The following TTC28 variants were observed in gnomAD, a reference collection of about 807,000 sequenced individuals.
TTC28 encodes tetratricopeptide repeat domain 28, also known as tetratricopeptide repeat protein 28.
TTC28 carries 61 observed loss-of-function variants against 198.0 expected under a neutral mutation model. The observed-to-expected ratio is 0.31, with a 90% CI of 0.25 to 0.38. The LOEUF is 0.38. Among genes scored for constraint, TTC28 ranks in the 10% least tolerant of loss-of-function variants. TTC28 has a pLI of 1.00. For missense variants in TTC28, 2,678 were observed against 3,164.0 expected (o/e 0.85, Z 3.69); for synonymous variants, 1,171 against 1,297.8 (o/e 0.90, Z 2.10).
chr22:28,364,862 A>G lies in TTC28; in HGVS notation c.382-58219T>C, dbSNP rs554061438. Among the ~76,000 whole-genome samples, 7 of 152,358 alleles carry G rather than the reference A, an allele frequency of 4.6e-5. No homozygotes were observed. In the East Asian group the frequency reaches 9.6e-4, roughly 21 times the overall value. The stretch of plus-strand genomic sequence containing the variant: ...TCTTGAGATAGAAACTACTCCTGGT[A>G]AAGATGCTGTGAACACTGTTGAAAT... On this transcript the variant is annotated intron_variant, in intron 2 of 22. Coordinates refer to ENST00000397906, the MANE Select transcript of TTC28 (RefSeq NM_001145418.2).
At chr22:28,246,137 T>C (rs114919412) in intron 5 of TTC28, among the ~76,000 whole-genome samples, 2,597 of 152,250 alleles carry the variant, frequency 0.017, 96 homozygotes, top group African/African-American at 0.06. Flanking sequence ...ACTACACATT[T>C]ATATATTTGT....
At chr22:28,387,508 G>C (rs2046629724) in intron 2 of TTC28, among the ~76,000 whole-genome samples, 1 of 152,194 alleles carries the variant, frequency 6.6e-6, no homozygotes, top group African/African-American at 2.4e-5. Flanking sequence ...AGCACCTGTT[G>C]TTTCCTGACT....
At chr22:28,368,099 C>CA (rs1250029985) in intron 2 of TTC28, among the ~76,000 whole-genome samples, 6 of 151,766 alleles carry the variant, frequency 4.0e-5, no homozygotes, top group African/African-American at 1.4e-4. Context: ...AAAGACACAT[C>CA]AAAAAAGGAA....
chr22:28,193,964 C>T (rs1316684275), intron 5 of TTC28, among the ~76,000 whole-genome samples: 4 of 152,140 alleles, frequency 2.6e-5, no homozygotes, highest in South Asian at 4.1e-4. Flanking sequence ...AACTCTCCAC[C>T]CCAAATCAAC....
chr22:28,319,857 C>T (rs1296587746), intron 2 of TTC28, among the ~76,000 whole-genome samples: 1 of 152,148 alleles, frequency 6.6e-6, no homozygotes, highest in East Asian at 1.9e-4. Context: ...CTGAAGAAGC[C>T]TTATGCAGAG....
intron 2 of TTC28, among the ~76,000 whole-genome samples, chr22:28,393,905 CTTTTTG>C (rs750355723): frequency 6.6e-6 from 1 of 152,122 alleles, no homozygotes; most frequent in African/African-American, 2.4e-5. Context: ...CTCCACTTAC[CTTTTTG>C]TTTTTGTTTT....
chr22:28,124,081 C>T (rs764628298), intron 6 of TTC28, among the ~76,000 whole-genome samples: 1 of 152,198 alleles, frequency 6.6e-6, no homozygotes, highest in Non-Finnish European at 1.5e-5. Flanking sequence ...TTCATTCTTA[C>T]AGTAAGCAAC....
At position 28,228,566 on chromosome 22, in the gene TTC28, G is replaced by A. The variant is rs1158771573; in HGVS notation, c.934-64967C>T. On this transcript the variant is annotated intron_variant, in intron 5 of 22. Transcript: ENST00000397906. ...AATACAAAAATTAGCTGGGCGTGGT[G>A]GTGTGCAACTGTAATCCCAGCTACC... Among the ~76,000 whole-genome samples the A allele has an allele frequency of 3.3e-5, 5 of 152,014 alleles. No individual in the cohort carries two copies. The East Asian group carries it at 9.7e-4, about 29-fold the overall frequency.
intron 5 of TTC28, among the ~76,000 whole-genome samples, chr22:28,252,162 A>G (rs1206618953): frequency 6.6e-6 from 1 of 152,180 alleles, no homozygotes; most frequent in African/African-American, 2.4e-5. Flanking sequence ...TGATAGGGCA[A>G]TTCCAACAGA....
chr22:28,001,304 C>G lies in TTC28; in HGVS notation c.4398+70G>C, dbSNP rs531638795. 3 of 1,497,488 alleles carry G rather than the reference C, an allele frequency of 2.0e-6. No homozygotes were observed. The East Asian group carries it at 7.5e-5, about 37-fold the overall frequency. 92.8% of individuals were successfully genotyped at this position (1,497,488 alleles called of 1,614,324 possible). On this transcript the variant is annotated intron_variant, in intron 15 of 22. Coordinates refer to ENST00000397906, the MANE Select transcript of TTC28 (RefSeq NM_001145418.2). ...TATGCCTTCGTAACACAGCCCAGTC[C>G]GACCAGATAGACGGTGCCTCGTGAC...
At chr22:28,159,646 G>A (rs1213777513) in intron 6 of TTC28, among the ~76,000 whole-genome samples, 1 of 143,202 alleles carries the variant, frequency 7.0e-6, no homozygotes, top group Non-Finnish European at 1.5e-5. Flanking sequence ...GTGACAAAGT[G>A]AGACTCTGTC....
intron 14 of TTC28, among the ~76,000 whole-genome samples, chr22:28,002,894 G>A (rs972685082): frequency 2.6e-5 from 4 of 152,178 alleles, no homozygotes; most frequent in African/African-American, 9.7e-5. Flanking sequence ...TGAGGCAGGA[G>A]AATCGCTTGA....
intron 6 of TTC28, among the ~76,000 whole-genome samples, chr22:28,132,179 A>C (rs1206753959): frequency 1.3e-5 from 2 of 152,216 alleles, no homozygotes; most frequent in Admixed American, 6.5e-5. Context: ...TTGGAGTCTA[A>C]TACGTGAATT....
intron 2 of TTC28, among the ~76,000 whole-genome samples, chr22:28,560,903 C>T (rs1175332265): frequency 6.6e-6 from 1 of 151,512 alleles, no homozygotes; most frequent in Non-Finnish European, 1.5e-5. Flanking sequence ...ACAACAGGCA[C>T]CCGCCACCAT....
At chr22:28,296,104 A>T in intron 5 of TTC28, 94 bp downstream of exon 5, 1 of 1,295,072 alleles carries the variant, frequency 7.7e-7, no homozygotes, top group Non-Finnish European at 1.0e-6. Context: ...GTAATATTTT[A>T]AGATACCTGA....
intron 2 of TTC28, among the ~76,000 whole-genome samples, chr22:28,558,227 T>C (rs986752274): frequency 1.3e-5 from 2 of 152,240 alleles, no homozygotes; most frequent in African/African-American, 4.8e-5. Context: ...CCAGAGGAAC[T>C]ATCATGGACT....
At chr22:28,401,214 T>C (rs1230818500) in intron 2 of TTC28, among the ~76,000 whole-genome samples, 4 of 149,598 alleles carry the variant, frequency 2.7e-5, no homozygotes, top group Non-Finnish European at 4.4e-5. Flanking sequence ...AGGATGACGA[T>C]GACGATGACG....
intron 2 of TTC28, among the ~76,000 whole-genome samples, chr22:28,554,139 GC>G (rs2049749163): frequency 6.6e-6 from 1 of 152,144 alleles, no homozygotes; most frequent in Non-Finnish European, 1.5e-5. Context: ...TAAGGGCGGG[GC>G]AAGATGTGCT....
intron 2 of TTC28, among the ~76,000 whole-genome samples, chr22:28,356,657 C>G (rs957333364): frequency 1.3e-5 from 2 of 152,104 alleles, no homozygotes; most frequent in Admixed American, 6.5e-5. Context: ...GGTGCACACC[C>G]AAACATACTC....
Sources: gnomAD v4.1 joint callset for allele counts (sites outside exome capture counted in the v4.1 genomes callset) on GRCh38, gnomAD v4.1.1 for gene constraint, MANE v1.5 for transcripts, NCBI Gene and HGNC (gene_info 2026-07-23, HGNC 2026-07-21) for gene names.